Variants in HTR1F observed in about 807,000 individuals in gnomAD.
HTR1F encodes 5-hydroxytryptamine receptor 1F.
HTR1F carries 17 observed loss-of-function variants against 24.0 expected under a neutral mutation model. The ratio of observed to expected loss-of-function variants is 0.71; its 90% CI spans 0.48 to 1.06. The LOEUF (loss-of-function observed/expected upper bound fraction) is 1.06. Among genes scored for constraint, HTR1F ranks in the 50% least tolerant of loss-of-function variants. The pLI is 0.00. For synonymous variants in HTR1F, 186 were observed against 156.8 expected, an observed-to-expected ratio of 1.19 and a Z score of -1.39; for missense variants, 391 against 427.8, an observed-to-expected ratio of 0.91 and a Z score of 0.76.
intron 2 of HTR1F, among the ~76,000 whole-genome samples, chr3:87,928,491 A>T (rs909531391): frequency 6.6e-6 from 1 of 152,094 alleles, no homozygotes; most frequent in Non-Finnish European, 1.5e-5. Context: ...TTATTTCATG[A>T]CTATATATTA....
At chr3:87,814,288 G>GGACAAAAATTATA (rs1553661085) in intron 1 of HTR1F, among the ~76,000 whole-genome samples, 14 of 151,922 alleles carry the variant, frequency 9.2e-5, no homozygotes, top group Non-Finnish European at 1.3e-4. Context: ...GACAAAAATT[G>GGACAAAAATTATA]TATATATATA....
rs1485033107 is a variant in HTR1F at position 87,993,756 on chromosome 3, C to T, written c.*1906C>T. 6.0e-6 allele frequency: 1 copy of T among 166,910 alleles called. No individual in the cohort carries two copies. The highest frequency in any genetic ancestry group is 1.9e-4 in the East Asian group (1 of 5,198). The allele number at this position is 166,910 out of a possible 1,614,324, so 10.3% of individuals were successfully genotyped here. On this transcript the variant is annotated 3_prime_UTR_variant, in exon 3 of 3. Transcript: ENST00000319595. The stretch of plus-strand genomic sequence containing the variant: ...TGAACGTCAGAAAAAAGTCTACAGT[C>T]AATTTTATTGCTGACGATGGGTAAT...
chr3:87,830,997 T>G (rs1366268098), intron 2 of HTR1F, among the ~76,000 whole-genome samples: 1 of 152,192 alleles, frequency 6.6e-6, no homozygotes, highest in East Asian at 1.9e-4. Flanking sequence ...AAGAAGGGAC[T>G]GTGTCCTATT....
At chr3:87,873,166 G>A (rs1705597925) in intron 2 of HTR1F, among the ~76,000 whole-genome samples, 1 of 149,794 alleles carries the variant, frequency 6.7e-6, no homozygotes, top group Non-Finnish European at 1.5e-5. Context: ...ATAAGAATTG[G>A]TTCATATGCT....
chr3:87,907,106 C>T (rs1389704549), intron 2 of HTR1F, among the ~76,000 whole-genome samples: 2 of 151,992 alleles, frequency 1.3e-5, no homozygotes, highest in Non-Finnish European at 2.9e-5. Flanking sequence ...TTTAAGGAAT[C>T]TCCATACTGT....
intron 2 of HTR1F, among the ~76,000 whole-genome samples, chr3:87,945,238 C>A (rs528496954): frequency 6.6e-6 from 1 of 151,934 alleles, no homozygotes; most frequent in Non-Finnish European, 1.5e-5. Flanking sequence ...GAGCTGTACA[C>A]CTAAATCGGG....
intron 2 of HTR1F, among the ~76,000 whole-genome samples, chr3:87,938,820 T>C (rs1314226708): frequency 6.6e-6 from 1 of 152,030 alleles, no homozygotes; most frequent in African/African-American, 2.4e-5. Context: ...ATATAAAACC[T>C]AAAACTATAA....
At chr3:87,792,979 G>T (rs918795079) in intron 1 of HTR1F, among the ~76,000 whole-genome samples, 137 bp downstream of exon 1, 6 of 152,380 alleles carry the variant, frequency 3.9e-5, no homozygotes, top group Middle Eastern at 6.8e-3. Context: ...CTGGGAAGCC[G>T]GCGCCAAGTC....
intron 2 of HTR1F, among the ~76,000 whole-genome samples, chr3:87,944,485 C>T (rs1704647559): frequency 1.3e-5 from 2 of 152,164 alleles, no homozygotes; most frequent in African/African-American, 4.8e-5. Context: ...GTTTTTTCCT[C>T]AACCACTTGG....
chr3:87,862,407 A>G (rs548758513), intron 2 of HTR1F, among the ~76,000 whole-genome samples: 3 of 152,328 alleles, frequency 2.0e-5, no homozygotes, highest in East Asian at 1.9e-4. Context: ...ATCCTTCCCT[A>G]TTGTGAAAGA....
intron 1 of HTR1F, among the ~76,000 whole-genome samples, chr3:87,810,873 AATTTT>A (rs1178114057): frequency 3.9e-5 from 6 of 152,200 alleles, no homozygotes; most frequent in Admixed American, 1.3e-4. Flanking sequence ...CACAGGAGTT[AATTTT>A]AAGAAGCATC....
intron 2 of HTR1F, among the ~76,000 whole-genome samples, chr3:87,967,138 A>C (rs1166667954): frequency 6.6e-6 from 1 of 152,084 alleles, no homozygotes; most frequent in African/African-American, 2.4e-5. Context: ...TGCTTATAGT[A>C]CCTCTTCTGA....
chr3:87,924,835 G>A (rs1704087392), intron 2 of HTR1F, among the ~76,000 whole-genome samples: 1 of 152,074 alleles, frequency 6.6e-6, no homozygotes, highest in South Asian at 2.1e-4. Context: ...TGACTACAGT[G>A]TGCCTCAGAG....
At chr3:87,983,004 TG>T in intron 2 of HTR1F, among the ~76,000 whole-genome samples, 1 of 152,132 alleles carries the variant, frequency 6.6e-6, no homozygotes, top group Non-Finnish European at 1.5e-5. Context: ...TGGGGGAGCT[TG>T]GGGAGCACGT....
chr3:87,883,252 A>G (rs1440509801), intron 2 of HTR1F, among the ~76,000 whole-genome samples: 2 of 152,204 alleles, frequency 1.3e-5, no homozygotes, highest in Non-Finnish European at 2.9e-5. Context: ...AGGAAAACTA[A>G]CAAACAGAAA....
chr3:87,864,811 G>A lies in HTR1F; in HGVS notation c.-43+42687G>A, dbSNP rs1163647361. Reference sequence around the variant, plus strand: ...CTTGGGAGCCTGAGGCAGGAGAATCGCTTGAACCTGGGAGGCAAAGGTTGC... The same window carrying A: ...CTTGGGAGCCTGAGGCAGGAGAATCACTTGAACCTGGGAGGCAAAGGTTGC... On this transcript the variant is annotated intron_variant, in intron 2 of 2. Coordinates refer to ENST00000319595, the MANE Select transcript of HTR1F (RefSeq NM_001322209.2). Among the ~76,000 whole-genome samples the A allele has an allele frequency of 4.6e-5, 7 of 151,036 alleles. No homozygotes were observed. The South Asian group carries it at 1.0e-3, about 23-fold the overall frequency.
At position 87,991,850 on chromosome 3, in the gene HTR1F, G is replaced by C; in HGVS notation, c.1101G>C (p.Ter367TyrextTer2). 1 of 1,552,572 alleles carries C rather than the reference G, an allele frequency of 6.4e-7. No individual in the cohort carries two copies. The highest frequency in any genetic ancestry group is 8.7e-7 in the Non-Finnish European group (1 of 1,152,056). ...AAAAGCTTGTGCGATGTCGATGTTA[G>C]TTTTAAAAATGTTTATTATTGAAGG... is the stretch of plus-strand genomic sequence containing the variant. ...AFQKLVRCRC[*>Y] Residue 367 changes from the stop codon to tyrosine, a stop_lost, in exon 3 of 3, where the codon TAG becomes TAC. Coordinates refer to ENST00000319595, the MANE Select transcript of HTR1F (RefSeq NM_001322209.2).
chr3:87,875,785 A>T (rs1398013986), intron 2 of HTR1F, among the ~76,000 whole-genome samples: 1 of 151,724 alleles, frequency 6.6e-6, no homozygotes, highest in Non-Finnish European at 1.5e-5. Context: ...TTAGCTGGGC[A>T]TGGTGGTGGG....
At chr3:87,856,346 A>G (rs1421886303) in intron 2 of HTR1F, among the ~76,000 whole-genome samples, 2 of 152,088 alleles carry the variant, frequency 1.3e-5, no homozygotes, top group Non-Finnish European at 2.9e-5. Context: ...ATAAAGTAAC[A>G]TTTTAAAATT....
Sources: allele counts gnomAD v4.1 joint callset (sites outside exome capture counted in the v4.1 genomes callset), GRCh38; gene constraint gnomAD v4.1.1; transcripts MANE v1.5; gene names NCBI Gene and HGNC (gene_info 2026-07-23, HGNC 2026-07-21).